DOCK3: variants seen among roughly 807,000 people sequenced by gnomAD.
DOCK3 encodes dedicator of cytokinesis 3, also known as dedicator of cytokinesis protein 3.
Under a neutral mutation model 265.6 loss-of-function variants are expected in DOCK3, and 60 were observed. The observed-to-expected ratio is 0.23, with a 90% CI of 0.18 to 0.28. The LOEUF (loss-of-function observed/expected upper bound fraction) is 0.28. DOCK3 is among the 10% of genes least tolerant of loss of function. The pLI is 1.00. For synonymous variants in DOCK3, 881 were observed against 938.0 expected (o/e 0.94, Z 1.11); for missense variants, 1,981 against 2,594.3 (o/e 0.76, Z 5.14).
At chr3:51,342,889 G>A (rs552618058) in intron 38 of DOCK3, among the ~76,000 whole-genome samples, 8 of 152,242 alleles carry the variant, frequency 5.3e-5, no homozygotes, top group Admixed American at 3.3e-4. Context: ...AATTTCTGGA[G>A]GAGCAGAGTC....
At chr3:50,708,333 C>T (rs2036545409) in intron 1 of DOCK3, among the ~76,000 whole-genome samples, 1 of 152,132 alleles carries the variant, frequency 6.6e-6, no homozygotes, top group Admixed American at 6.6e-5. Context: ...GTCTTTGGGG[C>T]AGCCTCCCTG....
chr3:51,237,222 C>A (rs1003266553), intron 20 of DOCK3, among the ~76,000 whole-genome samples: 2 of 152,096 alleles, frequency 1.3e-5, no homozygotes, highest in East Asian at 3.8e-4. Flanking sequence ...ATTGTACCAC[C>A]CAGCATTATT....
chr3:51,160,590 C>T lies in DOCK3; in HGVS notation c.925C>T (p.Pro309Ser), dbSNP rs1444128836. 2 of 1,612,634 alleles carry T rather than the reference C, an allele frequency of 1.2e-6. No individual in the cohort carries two copies. The highest frequency in any genetic ancestry group is 1.7e-6 in the Non-Finnish European group (2 of 1,179,380). Reference sequence around the variant, plus strand: ...CCTGAACGACTCAAAGAAAGGTCCTCCTCACCTGCACTACAGGCGACCATA... The same window carrying T: ...CCTGAACGACTCAAAGAAAGGTCCTTCTCACCTGCACTACAGGCGACCATA... ...MLLNDSKKGP[P>S]HLHYRRPYGC... The change falls in exon 12 of 53, where the codon CCT becomes TCT. Residue 309 changes from proline (P) to serine (S), a missense_variant. Pro to Ser is a moderately conservative substitution (Grantham distance 74). Around this residue, in one of 4 missense-constraint regions of DOCK3, gnomAD observed 456 missense variants for 539.0 expected, o/e 0.85. Coordinates refer to ENST00000266037, the MANE Select transcript of DOCK3 (RefSeq NM_004947.5).
At chr3:51,347,492 G>A (rs912375043) in intron 38 of DOCK3, among the ~76,000 whole-genome samples, 1 of 152,250 alleles carries the variant, frequency 6.6e-6, no homozygotes, top group South Asian at 2.1e-4. Context: ...TGTTCCGTTG[G>A]TCCATATCTC....
intron 51 of DOCK3, among the ~76,000 whole-genome samples, chr3:51,378,679 C>T (rs531746388): frequency 6.6e-6 from 1 of 152,234 alleles, no homozygotes; most frequent in Non-Finnish European, 1.5e-5. Context: ...AAAGAATTCA[C>T]ATGTCCACTG....
intron 3 of DOCK3, among the ~76,000 whole-genome samples, chr3:50,866,202 C>T (rs2047134142): frequency 6.6e-6 from 1 of 151,894 alleles, no homozygotes; most frequent in Admixed American, 6.6e-5. Context: ...AATTTTTTGT[C>T]AGGGTCAGGC....
intron 4 of DOCK3, among the ~76,000 whole-genome samples, chr3:50,907,827 C>T (rs1335209735): frequency 6.6e-6 from 1 of 151,728 alleles, no homozygotes; most frequent in African/African-American, 2.4e-5. Flanking sequence ...TTTTTTGTGC[C>T]TCTGGTAGAA....
chr3:50,807,773 A>G (rs1171045335), intron 2 of DOCK3, among the ~76,000 whole-genome samples: 1 of 152,038 alleles, frequency 6.6e-6, no homozygotes, highest in African/African-American at 2.4e-5. Context: ...GATAGATACA[A>G]AGTCTTGCTC....
chr3:51,210,529 C>T (rs1163966487), intron 13 of DOCK3, among the ~76,000 whole-genome samples: 6 of 152,170 alleles, frequency 3.9e-5, no homozygotes, highest in African/African-American at 1.4e-4. Context: ...AGCAAAATGA[C>T]TTAGTGGCTG....
chr3:51,350,571 G>C (rs2085910167), intron 40 of DOCK3, among the ~76,000 whole-genome samples, 179 bp downstream of exon 40: 1 of 152,190 alleles, frequency 6.6e-6, no homozygotes, highest in African/African-American at 2.4e-5. Flanking sequence ...TTCAGACTCT[G>C]TTTTAGTCTG....
intron 1 of DOCK3, among the ~76,000 whole-genome samples, chr3:50,689,782 ATATCGTTGAAGCTT>A: frequency 6.6e-6 from 1 of 152,246 alleles, no homozygotes; most frequent in African/African-American, 2.4e-5. Flanking sequence ...CTGTAAATAC[ATATCGTTGAAGCTT>A]TGCTTCTTTA....
chr3:51,333,317 C>A (rs2084652602), intron 35 of DOCK3, 64 bp downstream of exon 35: 1 of 1,515,824 alleles, frequency 6.6e-7, no homozygotes, highest in Non-Finnish European at 9.1e-7. Flanking sequence ...CAAGGGAATC[C>A]CCCTGACCTG....
At chr3:51,166,761 C>A (rs1174533750) in intron 12 of DOCK3, among the ~76,000 whole-genome samples, 1 of 152,144 alleles carries the variant, frequency 6.6e-6, no homozygotes, top group African/African-American at 2.4e-5. Context: ...TGTGTGTCTT[C>A]TTTGGGAAAA....
Position 51,381,258 on chromosome 3 carries a change from C to G in DOCK3, c.5792C>G (p.Pro1931Arg), listed in dbSNP as rs782447523. 1.1e-5 allele frequency: 17 copies of G among 1,613,752 alleles called. No homozygotes were observed. Among genetic ancestry groups the G allele is most frequent in the Admixed American group, 3.3e-5 (2 of 59,996 alleles). ...AWNADEDLEP[P>R]YLPVHYSLSE... ...AATGCTGACGAAGATCTTGAGCCACCCTACCTCCCTGTCCACTACAGCCTC... is the reference window on the plus strand; with the variant it reads ...AATGCTGACGAAGATCTTGAGCCACGCTACCTCCCTGTCCACTACAGCCTC... The change falls in exon 53 of 53, where the codon CCC becomes CGC. Residue 1931 changes from proline (P) to arginine (R), a missense_variant. Physicochemically the swap from Pro to Arg is moderately radical, Grantham distance 103. Transcript: ENST00000266037. This position sits in a 1 kb window ranked among gnomAD's most constrained non-coding sequence, Gnocchi z 5.6.
At chr3:50,760,600 G>A (rs573070708) in intron 1 of DOCK3, among the ~76,000 whole-genome samples, 1 of 152,144 alleles carries the variant, frequency 6.6e-6, no homozygotes, top group African/African-American at 2.4e-5. Flanking sequence ...AAATAGGCTA[G>A]GTTAAATTAT....
At chr3:50,701,864 C>A (rs1409064520) in intron 1 of DOCK3, among the ~76,000 whole-genome samples, 3 of 152,144 alleles carry the variant, frequency 2.0e-5, no homozygotes, top group African/African-American at 7.2e-5. Context: ...TGTTGAAAAT[C>A]AGTTGGCTGT....
chr3:50,953,980 G>A (rs1307679503), intron 5 of DOCK3, among the ~76,000 whole-genome samples: 3 of 152,052 alleles, frequency 2.0e-5, no homozygotes, highest in African/African-American at 7.2e-5. Flanking sequence ...GTATAGTTCA[G>A]TGGTATTAAG....
At chr3:50,868,661 A>G (rs1311828102) in intron 3 of DOCK3, among the ~76,000 whole-genome samples, 1 of 152,130 alleles carries the variant, frequency 6.6e-6, no homozygotes, top group African/African-American at 2.4e-5. Context: ...GGTGTGAGCC[A>G]CTGCACCAGG....
At chr3:50,700,844 A>ATATAG (rs553348573) in intron 1 of DOCK3, among the ~76,000 whole-genome samples, 1 of 152,132 alleles carries the variant, frequency 6.6e-6, no homozygotes, top group African/African-American at 2.4e-5. Flanking sequence ...TTTTAGTTCT[A>ATATAG]TATAGTATAG....
Sources: gnomAD v4.1 joint callset for allele counts (sites outside exome capture counted in the v4.1 genomes callset) on GRCh38, gnomAD v4.1.1 for gene constraint, gnomAD v4.1.1 regional missense constraint, Gnocchi (gnomAD v3.1) non-coding constraint, MANE v1.5 for transcripts, NCBI Gene and HGNC (gene_info 2026-07-23, HGNC 2026-07-21) for gene names.